Variants in CPNE8 observed in about 807,000 individuals in gnomAD.
CPNE8 encodes copine-8.
CPNE8 carries 45 observed loss-of-function variants against 81.5 expected under a neutral mutation model. That is an observed-to-expected ratio of 0.55 (90% CI 0.44 to 0.71). The LOEUF (loss-of-function observed/expected upper bound fraction) is 0.71. CPNE8 is among the 30% of genes least tolerant of loss of function. The pLI is 0.00. For synonymous variants in CPNE8, 252 were observed against 226.3 expected (o/e 1.11, Z -1.02); for missense variants, 594 against 672.1 (o/e 0.88, Z 1.28).
chr12:38,793,329 TAC>T (rs55794135), intron 6 of CPNE8, among the ~76,000 whole-genome samples: 60,431 of 148,818 alleles, frequency 0.41, 13,491 homozygotes, highest in Non-Finnish European at 0.51. Context: ...TTCTAAAAAT[TAC>T]ACACACACAC....
Position 38,794,704 on chromosome 12 carries a change from C to T in CPNE8, c.408-18403G>A, listed in dbSNP as rs552846650. ...GCAATAACATGGCAAAACTGAAACC[C>T]TTGTGCACTATTGGTGGGATTATAA... On this transcript the variant is annotated intron_variant, in intron 6 of 19. Transcript: ENST00000331366. Among the ~76,000 whole-genome samples, 7 of 150,756 alleles carry T rather than the reference C, an allele frequency of 4.6e-5. No individual in the cohort carries two copies. In the South Asian group the frequency reaches 1.5e-3, roughly 32 times the overall value.
At chr12:38,876,397 G>C (rs988364197) in intron 1 of CPNE8, among the ~76,000 whole-genome samples, 8 of 152,198 alleles carry the variant, frequency 5.3e-5, no homozygotes, top group Non-Finnish European at 1.0e-4. Context: ...ATTTTTAGTA[G>C]AGACAGGGTT....
At chr12:38,877,475 A>G (rs1245761003) in intron 1 of CPNE8, among the ~76,000 whole-genome samples, 1 of 152,078 alleles carries the variant, frequency 6.6e-6, no homozygotes. Flanking sequence ...ATTTTATAAC[A>G]TGATGTTGAA....
At chr12:38,792,489 C>T (rs371820192) in intron 6 of CPNE8, among the ~76,000 whole-genome samples, 1 of 151,340 alleles carries the variant, frequency 6.6e-6, no homozygotes, top group Non-Finnish European at 1.5e-5. Context: ...AAGTAATTGA[C>T]ACATTCTTGG....
chr12:38,811,871 C>T (rs1212179691), intron 6 of CPNE8, among the ~76,000 whole-genome samples: 2 of 152,158 alleles, frequency 1.3e-5, no homozygotes, highest in Admixed American at 6.5e-5. Context: ...GATTCCAGCT[C>T]TTAAAATAAT....
chr12:38,739,474 A>AT (rs1446525491), intron 10 of CPNE8, among the ~76,000 whole-genome samples: 2 of 152,154 alleles, frequency 1.3e-5, no homozygotes, highest in African/African-American at 4.8e-5. Context: ...TAAAATATGC[A>AT]TAGTAGGTAA....
chr12:38,869,008 G>T (rs949207167), intron 3 of CPNE8, among the ~76,000 whole-genome samples: 1 of 152,124 alleles, frequency 6.6e-6, no homozygotes, highest in Admixed American at 6.5e-5. Context: ...AAACTGCCAA[G>T]ATTCAACCAT....
At chr12:38,897,332 T>G (rs780101237) in intron 1 of CPNE8, among the ~76,000 whole-genome samples, 13 of 152,078 alleles carry the variant, frequency 8.5e-5, no homozygotes, top group Non-Finnish European at 1.3e-4. Flanking sequence ...AGCTTATTAA[T>G]CATTTCAGTT....
chr12:38,851,198 A>C (rs1408088443), intron 3 of CPNE8, among the ~76,000 whole-genome samples: 1 of 152,214 alleles, frequency 6.6e-6, no homozygotes, highest in Non-Finnish European at 1.5e-5. Flanking sequence ...GACCAGGATA[A>C]TTTATTTGGT....
intron 1 of CPNE8, among the ~76,000 whole-genome samples, chr12:38,881,205 G>A (rs1174666845): frequency 3.8e-4 from 27 of 70,220 alleles, no homozygotes; most frequent in East Asian, 2.1e-3. Flanking sequence ...GCGAGATTCC[G>A]TCTCAAAAAA....
intron 2 of CPNE8, among the ~76,000 whole-genome samples, chr12:38,873,989 T>C: frequency 6.6e-6 from 1 of 151,394 alleles, no homozygotes; most frequent in Non-Finnish European, 1.5e-5. Flanking sequence ...CGGGGTTGGG[T>C]GGGTCTCACT....
intron 6 of CPNE8, among the ~76,000 whole-genome samples, chr12:38,784,184 T>A (rs1407750028): frequency 6.6e-6 from 1 of 152,120 alleles, no homozygotes; most frequent in Admixed American, 6.6e-5. Flanking sequence ...TTTAAAAGCA[T>A]CAAACAAAAA....
intron 13 of CPNE8, chr12:38,721,069 T>C (rs1055277678): frequency 6.5e-6 from 1 of 152,710 alleles, no homozygotes; most frequent in East Asian, 1.9e-4. Context: ...GCTCTAATCT[T>C]GGAGCAAAGT....
intron 13 of CPNE8, among the ~76,000 whole-genome samples, chr12:38,720,351 G>A (rs1218586934): frequency 6.6e-6 from 1 of 152,138 alleles, no homozygotes; most frequent in Admixed American, 6.5e-5. Flanking sequence ...GAGAATGAGA[G>A]CAAACAATAA....
chr12:38,722,713 C>A (rs1265852143), intron 13 of CPNE8, among the ~76,000 whole-genome samples: 2 of 152,176 alleles, frequency 1.3e-5, no homozygotes, highest in Non-Finnish European at 2.9e-5. Flanking sequence ...TTTTATACTG[C>A]AAGACAACCA....
At chr12:38,720,615 G>T (rs1033926992) in intron 13 of CPNE8, 3 of 151,564 alleles carry the variant, frequency 2.0e-5, no homozygotes, top group African/African-American at 4.9e-5. Flanking sequence ...TTTTTTTTAA[G>T]TTATAAAGAA....
intron 13 of CPNE8, among the ~76,000 whole-genome samples, chr12:38,718,017 T>C (rs1028070026): frequency 6.6e-6 from 1 of 152,052 alleles, no homozygotes; most frequent in African/African-American, 2.4e-5. Context: ...TCATACTTAT[T>C]ATGTATTATG....
chr12:38,793,923 T>C (rs1780485548), intron 6 of CPNE8, among the ~76,000 whole-genome samples: 2 of 152,132 alleles, frequency 1.3e-5, no homozygotes, highest in South Asian at 2.1e-4. Context: ...CTAATGTACA[T>C]GATAAGAAGA....
intron 1 of CPNE8, among the ~76,000 whole-genome samples, chr12:38,904,879 AGGAG>A (rs1487356007): frequency 6.6e-6 from 1 of 152,176 alleles, no homozygotes. Context: ...TTCGTCTGCA[AGGAG>A]GGCCGAAATC....
Sources: gnomAD v4.1 joint callset for allele counts (sites outside exome capture counted in the v4.1 genomes callset) on GRCh38, gnomAD v4.1.1 for gene constraint, MANE v1.5 for transcripts, NCBI Gene and HGNC (gene_info 2026-07-23, HGNC 2026-07-21) for gene names.